Variants in PITPNM1 observed in about 807,000 individuals in gnomAD.
PITPNM1 encodes the protein membrane-associated phosphatidylinositol transfer protein 1.
A neutral mutation model predicts 133.3 loss-of-function variants in PITPNM1; 74 were observed. The ratio of observed to expected loss-of-function variants is 0.56; its 90% CI spans 0.46 to 0.67. The LOEUF (loss-of-function observed/expected upper bound fraction) is 0.67, where lower values mean the gene tolerates loss of function less well. PITPNM1 is among the 30% of genes least tolerant of loss of function. PITPNM1 has a pLI of 0.00. For synonymous variants in PITPNM1, 738 were observed against 741.4 expected, an observed-to-expected ratio of 1.00 and a Z score of 0.08; for missense variants, 1,398 against 1,739.5, an observed-to-expected ratio of 0.80 and a Z score of 3.49.
chr11:67,499,627 C>G (rs1041685657), intron 8 of PITPNM1, 96 bp downstream of exon 8: 44 of 328,260 alleles, frequency 1.3e-4, no homozygotes, highest in South Asian at 8.4e-4. Context: ...ATTTAATGAG[C>G]ACCTCTTCAG....
In PITPNM1 at chr11:67,502,249, C is replaced by A. The variant is rs753680940; in HGVS notation, c.415+43G>T. On this transcript the variant is annotated intron_variant, in intron 4 of 23. Transcript: ENST00000356404. The surrounding 1 kb of genome is among the most constrained non-coding windows in gnomAD (Gnocchi z 5.9). ...GGCTGCCCACTGAGGCAGCCAGGAG[C>A]CTGAGAGGGGCGCCAGGGTCCCCCC... 1.2e-6 allele frequency: 2 copies of A among 1,600,970 alleles called. No individual in the cohort carries two copies. Among genetic ancestry groups the A allele is most frequent in the Admixed American group, 1.7e-5 (1 of 59,268 alleles).
rs556216261 is a variant in PITPNM1 at position 67,492,079 on chromosome 11, C to T, written c.3689G>A (p.Arg1230Gln). The T allele has an allele frequency of 1.2e-5, 20 of 1,612,554 alleles. No individual in the cohort carries two copies. Among genetic ancestry groups the T allele is most frequent in the African/African-American group, 1.2e-4 (9 of 75,072 alleles). Residue 1230 changes from arginine (R) to glutamine (Q), a missense_variant, in exon 24 of 24, where the codon CGG (arginine) becomes CAG (glutamine). Coordinates refer to ENST00000356404, the MANE Select transcript of PITPNM1 (RefSeq NM_004910.3). ...CAGGCTGATGCTCCGTGCTTTGCCC[C>T]GTGCCAGGGTGGTGGGTGGTGTTCC... is the stretch of plus-strand genomic sequence containing the variant. Reference protein sequence around the residue: ...GPGTPPTTLARGKARSISLKL... With the variant: ...GPGTPPTTLAQGKARSISLKL...
At position 67,497,409 on chromosome 11, in the gene PITPNM1, G is replaced by T. The variant is rs1429328613; in HGVS notation, c.1968C>A (p.Ser656=). 5 of 1,591,428 alleles carry T rather than the reference G, an allele frequency of 3.1e-6. No homozygotes were observed. The highest frequency in any genetic ancestry group is 3.4e-4 in the Middle Eastern group (2 of 5,964). The change falls in exon 14 of 24, where the codon TCC becomes TCA. Residue 656 remains serine, a synonymous_variant. Coordinates refer to ENST00000356404, the MANE Select transcript of PITPNM1 (RefSeq NM_004910.3). ...NSLQAAPATT[S]SWEPRRASTA... is the part of the protein sequence containing the mutation. The stretch of plus-strand genomic sequence containing the variant: ...TGCTTGCCCGCCGGGGCTCCCAGGA[G>T]GAGGTGGTTGCGGGGGCTGCCTGAA...
chr11:67,498,225 A>T lies in PITPNM1; in HGVS notation c.1582T>A (p.Tyr528Asn). 6.2e-7 allele frequency: 1 copy of T among 1,612,808 alleles called. No individual in the cohort carries two copies. Among genetic ancestry groups the T allele is most frequent in the Non-Finnish European group, 8.5e-7 (1 of 1,179,774 alleles). The change falls in exon 11 of 24, where the codon TAC becomes AAC. Residue 528 changes from tyrosine to asparagine, a missense_variant. This residue lies in a region of PITPNM1 where 574 missense variants were observed against 698.7 expected (regional missense o/e 0.82). Transcript: ENST00000356404. This position sits in a 1 kb window ranked among gnomAD's most constrained non-coding sequence, Gnocchi z 5.7. ...ATGACGGTGGCCACGGCGCCCTGGT[A>T]GCGGGAGGATGAGGTGGCCAGCAGT... Reference protein sequence around the residue: ...LPLLATSSSRYQGAVATVIAR... With the variant: ...LPLLATSSSRNQGAVATVIAR...
At position 67,494,953 on chromosome 11, in the gene PITPNM1, T is replaced by A; in HGVS notation, c.2635A>T (p.Ile879Phe). Residue 879 changes from isoleucine to phenylalanine, a missense_variant, in exon 18 of 24, where the codon ATC becomes TTC. This residue lies in a region of PITPNM1 where 574 missense variants were observed against 698.7 expected (regional missense o/e 0.82). Coordinates refer to ENST00000356404, the MANE Select transcript of PITPNM1 (RefSeq NM_004910.3). ...DVVAFILRQV[I>F]EKERPQLAEC... ...GCCAGCTGTGGCCGCTCCTTCTCGA[T>A]CACCTGCACGGGACAGGGGGCGAGG... 6.2e-7 allele frequency: 1 copy of A among 1,612,400 alleles called. No individual in the cohort carries two copies. Among genetic ancestry groups the A allele is most frequent in the East Asian group, 2.2e-5 (1 of 44,852 alleles).
Position 67,498,829 on chromosome 11 carries a change from C to G in PITPNM1, c.1251G>C (p.Gly417=), listed in dbSNP as rs1565193147. 2 of 1,610,308 alleles carry G rather than the reference C, an allele frequency of 1.2e-6. No individual in the cohort carries two copies. Among genetic ancestry groups the G allele is most frequent in the Non-Finnish European group, 8.5e-7 (1 of 1,177,774 alleles). The stretch of plus-strand genomic sequence containing the variant: ...CTGCGCATGCCTCAGCCCCCAGCTC[C>G]CCGGCTCCATCCAGGCCCTGGGGGG... The part of the protein sequence containing the change: ...PRDSEGLDGA[G]ELGAEACAVH... Residue 417 remains glycine, a synonymous_variant, in exon 10 of 24, where the codon GGG becomes GGC. Transcript: ENST00000356404. The surrounding 1 kb of genome is among the most constrained non-coding windows in gnomAD (Gnocchi z 5.7).
chr11:67,496,985 G>A, intron 14 of PITPNM1: 1 of 399,638 alleles, frequency 2.5e-6, no homozygotes, highest in Non-Finnish European at 4.4e-6. Context: ...TGCTGCTGTG[G>A]TGTCTGATTG....
chr11:67,504,682 C>G lies in PITPNM1; in HGVS notation c.-41-461G>C, dbSNP rs1438307830. 2 of 152,280 alleles carry G rather than the reference C, an allele frequency of 1.3e-5. No homozygotes were observed. The highest frequency in any genetic ancestry group is 2.1e-4 in the South Asian group (1 of 4,836). 9.4% of individuals were successfully genotyped at this position (152,280 alleles called of 1,614,324 possible). On this transcript the variant is annotated intron_variant, in intron 1 of 23. Coordinates refer to ENST00000356404, the MANE Select transcript of PITPNM1 (RefSeq NM_004910.3). The surrounding 1 kb of genome is among the most constrained non-coding windows in gnomAD (Gnocchi z 5.4). ...CCGGAGTCGGCGGGGTCCCAAGTCC[C>G]CCACTCTCGGACGTCCACCTAGAGC...
intron 5 of PITPNM1, among the ~76,000 whole-genome samples, chr11:67,501,239 A>T (rs1014059471): frequency 6.6e-6 from 1 of 152,254 alleles, no homozygotes; most frequent in Non-Finnish European, 1.5e-5. Context: ...AGAGAAATTT[A>T]AAGTGCAGAG....
At position 67,502,871 on chromosome 11, in the gene PITPNM1, G is replaced by C. The variant is rs1369474614; in HGVS notation, c.79-153C>G. Among the ~76,000 whole-genome samples the C allele has an allele frequency of 6.6e-6, 1 of 152,184 alleles. No individual in the cohort carries two copies. The highest frequency in any genetic ancestry group is 1.5e-5 in the Non-Finnish European group (1 of 68,042). On this transcript the variant is annotated intron_variant, in intron 2 of 23. Transcript: ENST00000356404. The surrounding 1 kb of genome is among the most constrained non-coding windows in gnomAD (Gnocchi z 5.9). ...ACCCCGCCCCACCAAAGCTCCCTGG[G>C]ATCAGAATCACAGATGCAGCCCAGC...
In PITPNM1 at chr11:67,492,960, C is replaced by T; in HGVS notation, c.3445G>A (p.Val1149Met). The change falls in exon 23 of 24, where the codon GTG (valine) becomes ATG (methionine). Residue 1149 changes from valine to methionine, a missense_variant. Physicochemically the swap from Val to Met is conservative, Grantham distance 21 (BLOSUM62 1). Around this residue, in one of 5 missense-constraint regions of PITPNM1, gnomAD observed 233 missense variants for 378.0 expected, o/e 0.62. Transcript: ENST00000356404. Reference protein sequence around the residue: ...PSQTYIVGRAVRKLQAQCQFL... With the variant: ...PSQTYIVGRAMRKLQAQCQFL... ...TGGCACTGCGCCTGTAGCTTCCGCA[C>T]GGCACGGCCCACGATGTAGGTCTGG... The T allele has an allele frequency of 6.2e-7, 1 of 1,612,896 alleles. No individual in the cohort carries two copies.
At chr11:67,495,264 C>A in intron 16 of PITPNM1, 39 bp from the exon 17 acceptor site, 5 of 1,544,542 alleles carry the variant, frequency 3.2e-6, no homozygotes, top group Non-Finnish European at 4.4e-6. Flanking sequence ...GGCCTCCTGC[C>A]CCACACCCAT....
intron 5 of PITPNM1, among the ~76,000 whole-genome samples, chr11:67,501,374 G>A (rs997317830): frequency 6.6e-6 from 1 of 152,230 alleles, no homozygotes; most frequent in Non-Finnish European, 1.5e-5. Flanking sequence ...CTGAGGCAGG[G>A]CTGAATTGTA....
intron 5 of PITPNM1, 22 bp downstream of exon 5, chr11:67,501,840 C>T (rs748177707): frequency 2.5e-6 from 4 of 1,605,274 alleles, no homozygotes; most frequent in Admixed American, 3.3e-5. Context: ...GTAAGTGGGA[C>T]CTCCCGCAGC....
Position 67,497,987 on chromosome 11 carries a change from C to T in PITPNM1, c.1712G>A (p.Gly571Asp), listed in dbSNP as rs750944185. 6.2e-7 allele frequency: 1 copy of T among 1,610,956 alleles called. No homozygotes were observed. Among genetic ancestry groups the T allele is most frequent in the Admixed American group, 1.7e-5 (1 of 60,014 alleles). Residue 571 changes from glycine (G) to aspartate (D), a missense_variant, in exon 12 of 24, where the codon GGC (glycine) becomes GAC (aspartate). Coordinates refer to ENST00000356404, the MANE Select transcript of PITPNM1 (RefSeq NM_004910.3). ...LIGDGVGGIL[G>D]FDALCHSANA... ...AGCACTGTGGCAGAGTGCATCAAAG[C>T]CCAGGATGCCACCAACACCATCTCC... is the stretch of plus-strand genomic sequence containing the variant.
rs144239455 is a variant in PITPNM1 at position 67,497,647 on chromosome 11, T to G, written c.1815A>C (p.Pro605=). 21 of 1,610,886 alleles carry G rather than the reference T, an allele frequency of 1.3e-5. No homozygotes were observed. Among genetic ancestry groups the G allele is most frequent in the Non-Finnish European group, 1.7e-5 (20 of 1,179,356 alleles). The change falls in exon 13 of 24, where the codon CCA becomes CCC. Residue 605 remains proline, a synonymous_variant. Transcript: ENST00000356404. The part of the protein sequence containing the change: ...NNELLSPEFG[P]VRDPLADGVE... ...CACCATCTGCCAGGGGGTCCCGCAC[T>G]GGGCCAAACTCCGGAGAGAGCAGCT...
At position 67,494,502 on chromosome 11, in the gene PITPNM1, G is replaced by A; in HGVS notation, c.2743-142C>T. ...CATTGAGGGAAAAGGGCAAGCCCGG[G>A]GGGCGCACTTTTGTGGACCCCGGCC... On this transcript the variant is annotated intron_variant, in intron 18 of 23. Coordinates refer to ENST00000356404, the MANE Select transcript of PITPNM1 (RefSeq NM_004910.3). The A allele has an allele frequency of 2.8e-5, 18 of 649,508 alleles. No homozygotes were observed. In the South Asian group the frequency reaches 3.3e-4, roughly 12 times the overall value. 40.2% of individuals were successfully genotyped at this position (649,508 alleles called of 1,614,324 possible).
In PITPNM1 at chr11:67,505,318, G is replaced by C. The variant is rs908598801; in HGVS notation, c.-172C>G. On this transcript the variant is annotated 5_prime_UTR_variant, in exon 1 of 24. Coordinates refer to ENST00000356404, the MANE Select transcript of PITPNM1 (RefSeq NM_004910.3). This position sits in a 1 kb window ranked among gnomAD's most constrained non-coding sequence, Gnocchi z 5.8. Reference sequence around the variant, plus strand: ...CCGGACCCTCCCGAGGCGCAGTGCCGGCCCATGGCCCCGACCTTCCTCTCG... The same window carrying C: ...CCGGACCCTCCCGAGGCGCAGTGCCCGCCCATGGCCCCGACCTTCCTCTCG... 1 of 151,754 alleles carries C rather than the reference G, an allele frequency of 6.6e-6. No individual in the cohort carries two copies. The highest frequency in any genetic ancestry group is 1.5e-5 in the Non-Finnish European group (1 of 67,896). 9.4% of individuals were successfully genotyped at this position (151,754 alleles called of 1,614,324 possible). A position where few individuals can be genotyped will look rare whatever the true frequency, so the allele number is the denominator to read the frequency against.
chr11:67,494,980 C>T, intron 17 of PITPNM1, 24 bp from the exon 18 acceptor site: 2 of 1,610,124 alleles, frequency 1.2e-6, no homozygotes, highest in South Asian at 1.1e-5. Flanking sequence ...GGGGCGAGGC[C>T]TCTGTCTCTT....
Sources: gnomAD v4.1 joint callset for allele counts (sites outside exome capture counted in the v4.1 genomes callset) on GRCh38, gnomAD v4.1.1 for gene constraint, gnomAD v4.1.1 regional missense constraint, Gnocchi (gnomAD v3.1) non-coding constraint, MANE v1.5 for transcripts, NCBI Gene and HGNC (gene_info 2026-07-23, HGNC 2026-07-21) for gene names.